The following ADCY1 variants were observed in gnomAD, a reference collection of about 807,000 sequenced individuals.
ADCY1 encodes the protein adenylate cyclase 1.
Under a neutral mutation model 105.4 loss-of-function variants are expected in ADCY1, and 28 were observed. That is an observed-to-expected ratio of 0.27 (90% CI 0.20 to 0.36). The LOEUF is 0.36. ADCY1 is among the 10% of genes least tolerant of loss of function. The pLI is 1.00. For missense variants in ADCY1, 977 were observed against 1,434.2 expected (o/e 0.68, Z 5.15); for synonymous variants, 655 against 623.8 (o/e 1.05, Z -0.75).
chr7:45,589,931 C>A (rs1792858357), intron 1 of ADCY1, among the ~76,000 whole-genome samples: 1 of 152,038 alleles, frequency 6.6e-6, no homozygotes, highest in Non-Finnish European at 1.5e-5. Context: ...TTCAGATATC[C>A]CAAGGGCAGG....
At chr7:45,593,410 G>A (rs150696037) in intron 2 of ADCY1, among the ~76,000 whole-genome samples, 440 of 152,332 alleles carry the variant, frequency 2.9e-3, no homozygotes, top group Non-Finnish European at 4.2e-3. Context: ...AGCCCTTGGG[G>A]TTCCTCCAGT....
rs3735668 is a variant in ADCY1, at chr7:45,714,999, C to G, written c.*1004C>G. ...TCCTTGATGGAAGATGCTGTTTCTC[C>G]GGCAGAACCAACCCTCCAGGACGAA... On this transcript the variant is annotated 3_prime_UTR_variant, in exon 20 of 20. Transcript: ENST00000297323. 3 of 152,366 alleles carry G rather than the reference C, an allele frequency of 2.0e-5. No homozygotes were observed. Among genetic ancestry groups the G allele is most frequent in the African/African-American group, 7.2e-5 (3 of 41,588 alleles). The allele number at this position is 152,366 out of a possible 1,614,324, so 9.4% of individuals were successfully genotyped here.
chr7:45,712,842 A>G (rs1215218251), intron 19 of ADCY1, among the ~76,000 whole-genome samples: 1 of 152,136 alleles, frequency 6.6e-6, no homozygotes, highest in South Asian at 2.1e-4. Context: ...CTCATCCTTT[A>G]TCTTTTTCCT....
In ADCY1 at chr7:45,574,630, C is replaced by A; in HGVS notation, c.87C>A (p.Arg29=). The A allele has an allele frequency of 2.5e-6, 3 of 1,199,950 alleles. No individual in the cohort carries two copies. Among genetic ancestry groups the A allele is most frequent in the Non-Finnish European group, 2.1e-6 (2 of 968,528 alleles). 74.3% of individuals were successfully genotyped at this position (1,199,950 alleles called of 1,614,324 possible). The change falls in exon 1 of 20, where the codon CGC becomes CGA. Residue 29 remains arginine, a synonymous_variant. Transcript: ENST00000297323. The surrounding 1 kb of genome is among the most constrained non-coding windows in gnomAD (Gnocchi z 7.0). ...CCGAGCGGGCGGCCGGGACAAGCCG[C>A]CGGCGCGGGCTCCGGGCGTGCGACG... ...GGAERAAGTS[R]RRGLRACDEE... is the part of the protein sequence containing the mutation.
At chr7:45,584,786 C>A (rs1365581667) in intron 1 of ADCY1, among the ~76,000 whole-genome samples, 1 of 152,250 alleles carries the variant, frequency 6.6e-6, no homozygotes, top group African/African-American at 2.4e-5. Flanking sequence ...TCTCTCCCAG[C>A]CTGTGGGGGC....
chr7:45,699,329 G>T (rs189023739), intron 14 of ADCY1, among the ~76,000 whole-genome samples: 4 of 152,212 alleles, frequency 2.6e-5, no homozygotes, highest in African/African-American at 9.6e-5. Flanking sequence ...TTCATTCAAC[G>T]TATGTTGTCC....
intron 2 of ADCY1, among the ~76,000 whole-genome samples, chr7:45,602,325 G>A (rs1793262661): frequency 6.6e-6 from 1 of 152,042 alleles, no homozygotes; most frequent in African/African-American, 2.4e-5. Context: ...AGCACAGGGT[G>A]AGAGGCATAG....
At chr7:45,582,430 C>T (rs1462179900) in intron 1 of ADCY1, among the ~76,000 whole-genome samples, 2 of 152,188 alleles carry the variant, frequency 1.3e-5, no homozygotes, top group Admixed American at 6.5e-5. Context: ...AGTGGGAGGG[C>T]AGGCATGTCC....
chr7:45,684,050 G>T (rs1380549450), intron 11 of ADCY1, among the ~76,000 whole-genome samples: 1 of 152,254 alleles, frequency 6.6e-6, no homozygotes, highest in Non-Finnish European at 1.5e-5. Flanking sequence ...GACTGGGAGG[G>T]AAGTGCAGTG....
At position 45,721,678 on chromosome 7, in the gene ADCY1, G is replaced by T; in HGVS notation, c.*7683G>T. 1 of 398,572 alleles carries T rather than the reference G, an allele frequency of 2.5e-6. No individual in the cohort carries two copies. The highest frequency in any genetic ancestry group is 3.6e-5 in the East Asian group (1 of 28,068). 24.7% of individuals were successfully genotyped at this position (398,572 alleles called of 1,614,324 possible). On this transcript the variant is annotated 3_prime_UTR_variant, in exon 20 of 20. Transcript: ENST00000297323. ...TATGCTGCTGGTGAGGTAAAGGTGG[G>T]TCCGGGTGCCTTCCCAGGGGTTAGA... is the stretch of plus-strand genomic sequence containing the variant.
rs1252741317 is a variant in ADCY1, at chr7:45,686,479, G to T, written c.2328-68G>T. On this transcript the variant is annotated intron_variant, in intron 13 of 19. Transcript: ENST00000297323. This position sits in a 1 kb window ranked among gnomAD's most constrained non-coding sequence, Gnocchi z 4.3. ...GAGGGTCACTCTGAACAGTTCTTGG[G>T]TTTGGTGGCAGAGTCTTGCCCTGGA... 1.3e-6 allele frequency: 2 copies of T among 1,557,414 alleles called. No homozygotes were observed. The highest frequency in any genetic ancestry group is 4.5e-5 in the East Asian group (2 of 44,306).
chr7:45,697,878 T>A (rs2461121), intron 14 of ADCY1, among the ~76,000 whole-genome samples: 89,059 of 151,928 alleles, frequency 0.59, 26,889 homozygotes, highest in East Asian at 0.79. Context: ...AGAGCCAGCC[T>A]CTGCATTCAC....
intron 19 of ADCY1, among the ~76,000 whole-genome samples, chr7:45,711,646 C>T (rs28577244): frequency 0.16 from 3,305 of 20,656 alleles, 63 homozygotes; most frequent in Non-Finnish European, 0.23. Context: ...TATATATATA[C>T]ACACACACAC....
chr7:45,579,960 T>G (rs983562763), intron 1 of ADCY1, among the ~76,000 whole-genome samples: 1 of 10,648 alleles, frequency 9.4e-5, no homozygotes. Flanking sequence ...CCCTTCCCCC[T>G]TCCCCCCTCG....
intron 1 of ADCY1, among the ~76,000 whole-genome samples, chr7:45,584,320 C>T (rs1397764643): frequency 6.6e-6 from 1 of 152,140 alleles, no homozygotes; most frequent in African/African-American, 2.4e-5. Context: ...GCTCTGGTGG[C>T]CCCCACTTCC....
intron 5 of ADCY1, among the ~76,000 whole-genome samples, chr7:45,650,335 T>C (rs187967077): frequency 1.3e-5 from 2 of 152,324 alleles, no homozygotes; most frequent in Admixed American, 6.5e-5. Flanking sequence ...TAAATGACAT[T>C]ATATCACATC....
intron 3 of ADCY1, among the ~76,000 whole-genome samples, chr7:45,610,797 T>C (rs797005980): frequency 9.0e-4 from 17 of 18,842 alleles, no homozygotes; most frequent in East Asian, 3.1e-3. Flanking sequence ...ATGGTGGAGG[T>C]GGGGAGGTGA....
At position 45,693,080 on chromosome 7, in the gene ADCY1, G is replaced by A. The variant is rs191461877; in HGVS notation, c.2454+6407G>A. 3.3e-5 allele frequency among the ~76,000 whole-genome samples: 5 copies of A among 152,270 alleles called. No individual in the cohort carries two copies. In the East Asian group the frequency reaches 7.7e-4, roughly 24 times the overall value. ...AATTCTTCTATCTATAATTATAGTT[G>A]GAGTTTCCAACATTCCTTTCGAAAA... On this transcript the variant is annotated intron_variant, in intron 14 of 19. Coordinates refer to ENST00000297323, the MANE Select transcript of ADCY1 (RefSeq NM_021116.4).
chr7:45,698,142 C>T, intron 14 of ADCY1, among the ~76,000 whole-genome samples: 1 of 151,054 alleles, frequency 6.6e-6, no homozygotes, highest in Non-Finnish European at 1.5e-5. Flanking sequence ...TGTGCATGCA[C>T]ACACAAACAC....
Sources: gnomAD v4.1 joint callset for allele counts (sites outside exome capture counted in the v4.1 genomes callset) on GRCh38, gnomAD v4.1.1 for gene constraint, Gnocchi (gnomAD v3.1) non-coding constraint, MANE v1.5 for transcripts, NCBI Gene and HGNC (gene_info 2026-07-23, HGNC 2026-07-21) for gene names.